The following FOXP1 variants were observed in gnomAD, a reference collection of about 807,000 sequenced individuals.
FOXP1 encodes the protein forkhead box protein P1.
In FOXP1, 15 loss-of-function variants were observed where a neutral mutation model predicts 98.2. That is an observed-to-expected ratio of 0.15 (90% CI 0.10 to 0.24). FOXP1 has a LOEUF of 0.24. Among genes scored for constraint, FOXP1 ranks in the 10% least tolerant of loss-of-function variants. The pLI, the probability that FOXP1 is intolerant of heterozygous loss-of-function variation, is 1.00. For synonymous variants in FOXP1, 371 were observed against 314.5 expected, an observed-to-expected ratio of 1.18 and a Z score of -1.90; for missense variants, 633 against 848.5, an observed-to-expected ratio of 0.75 and a Z score of 3.15.
In FOXP1 at chr3:70,958,963, C is replaced by T. The variant is rs1213374515; in HGVS notation, c.*284G>A. On this transcript the variant is annotated 3_prime_UTR_variant, in exon 21 of 21. Coordinates refer to ENST00000649528, the MANE Select transcript of FOXP1 (RefSeq NM_001349338.3). ...GAATCAGTTTAGCAAATTTACAACA[C>T]TGATGTTGACGGTTAAGAGAGGAAA... 2 of 441,772 alleles carry T rather than the reference C, an allele frequency of 4.5e-6. No individual in the cohort carries two copies. Among genetic ancestry groups the T allele is most frequent in the African/African-American group, 2.0e-5 (1 of 50,902 alleles). 27.4% of individuals were successfully genotyped at this position (441,772 alleles called of 1,614,324 possible).
chr3:71,208,536 T>TTGTGTGTGTGTGTGTGTGTG (rs1553780525), intron 5 of FOXP1, among the ~76,000 whole-genome samples: 6,002 of 149,162 alleles, frequency 0.04, 148 homozygotes, highest in South Asian at 0.1. Context: ...GCATTTAAGT[T>TTGTGTGTGTGTGTGTGTGTG]TGTGTGTGTG....
Position 71,175,337 on chromosome 3 carries a change from C to T in FOXP1, c.180+22865G>A, listed in dbSNP as rs558069651. 3.7e-4 allele frequency among the ~76,000 whole-genome samples: 57 copies of T among 152,320 alleles called. No homozygotes were observed. The South Asian group carries it at 9.9e-3, about 27-fold the overall frequency. Reference sequence around the variant, plus strand: ...TACTTCTTTGGCCCATCAAGTGTGTCTCTTTTTTGCACTGACAACACGTAT... The same window carrying T: ...TACTTCTTTGGCCCATCAAGTGTGTTTCTTTTTTGCACTGACAACACGTAT... On this transcript the variant is annotated intron_variant, in intron 6 of 20. Transcript: ENST00000649528.
chr3:71,465,615 G>A (rs1395952591), intron 3 of FOXP1, among the ~76,000 whole-genome samples: 1 of 152,106 alleles, frequency 6.6e-6, no homozygotes, highest in Non-Finnish European at 1.5e-5. Context: ...GCTCCACAAG[G>A]GCAGGGTCCG....
intron 12 of FOXP1, among the ~76,000 whole-genome samples, chr3:71,010,458 A>T (rs993865245): frequency 1.1e-4 from 17 of 152,302 alleles, no homozygotes; most frequent in East Asian, 3.9e-4. Context: ...TAAATGAGTT[A>T]ATATATGTGA....
intron 4 of FOXP1, among the ~76,000 whole-genome samples, chr3:71,300,210 G>C (rs2073727899): frequency 6.6e-6 from 1 of 152,184 alleles, no homozygotes; most frequent in Non-Finnish European, 1.5e-5. Context: ...TTGGAAACCA[G>C]ACTGCCACTT....
chr3:71,074,865 C>T (rs977554880), intron 7 of FOXP1, among the ~76,000 whole-genome samples: 2 of 152,186 alleles, frequency 1.3e-5, no homozygotes, highest in East Asian at 1.9e-4. Context: ...ACCAGGGGCT[C>T]ATGCATTCTT....
intron 4 of FOXP1, chr3:71,305,910 G>A (rs925490289): frequency 1.0e-4 from 16 of 152,612 alleles, no homozygotes; most frequent in African/African-American, 3.9e-4. Context: ...GCTTTGGGGC[G>A]GGAGAGGCAA....
intron 11 of FOXP1, among the ~76,000 whole-genome samples, chr3:71,025,480 C>T (rs1212806586): frequency 6.6e-6 from 1 of 152,028 alleles, no homozygotes; most frequent in Non-Finnish European, 1.5e-5. Flanking sequence ...CAAGGATGCC[C>T]TCTTTATAAC....
rs2067381456 is a variant in FOXP1 at position 71,242,642 on chromosome 3, G to C, written c.-11-44250C>G. Among the ~76,000 whole-genome samples, 3 of 152,018 alleles carry C rather than the reference G, an allele frequency of 2.0e-5. No homozygotes were observed. In the South Asian group the frequency reaches 6.2e-4, roughly 32 times the overall value. On this transcript the variant is annotated intron_variant, in intron 5 of 20. Coordinates refer to ENST00000649528, the MANE Select transcript of FOXP1 (RefSeq NM_001349338.3). ...AATCTGGAGGCTCACATGTGAAAAAGCTTTCCGCCTAAGATTGTCCCATTT... is the reference window on the plus strand; with the variant it reads ...AATCTGGAGGCTCACATGTGAAAAACCTTTCCGCCTAAGATTGTCCCATTT...
At chr3:70,995,786 T>A (rs532342673) in intron 13 of FOXP1, among the ~76,000 whole-genome samples, 1 of 152,128 alleles carries the variant, frequency 6.6e-6, no homozygotes, top group African/African-American at 2.4e-5. Flanking sequence ...CAGTAGAAGG[T>A]TGCAACAAGA....
chr3:71,268,351 T>C lies in FOXP1; in HGVS notation c.-12+31469A>G, dbSNP rs141765996. Among the ~76,000 whole-genome samples the C allele has an allele frequency of 2.5e-3, 374 of 152,026 alleles. 4 individuals are homozygous for C. Among genetic ancestry groups the C allele is most frequent in the East Asian group, 0.018 (90 of 5,096 alleles). The stretch of plus-strand genomic sequence containing the variant: ...CAGTCACATCACAAGGATAAAGTAT[T>C]CCAAAATGCTTGAGAACTGACAAAT... On this transcript the variant is annotated intron_variant, in intron 5 of 20. Coordinates refer to ENST00000649528, the MANE Select transcript of FOXP1 (RefSeq NM_001349338.3).
intron 4 of FOXP1, among the ~76,000 whole-genome samples, chr3:71,327,755 A>G (rs1052225951): frequency 1.6e-4 from 25 of 152,156 alleles, no homozygotes; most frequent in Admixed American, 3.3e-4. Context: ...ATCACATATA[A>G]GTGTGTATGT....
chr3:71,029,637 C>T (rs542927507), intron 11 of FOXP1, among the ~76,000 whole-genome samples: 11 of 152,260 alleles, frequency 7.2e-5, no homozygotes, highest in South Asian at 2.1e-4. Context: ...GTGATCCACC[C>T]GCCTCGGCCT....
At chr3:71,285,254 G>A (rs1215873335) in intron 5 of FOXP1, among the ~76,000 whole-genome samples, 1 of 152,114 alleles carries the variant, frequency 6.6e-6, no homozygotes, top group Non-Finnish European at 1.5e-5. Flanking sequence ...GGCAAAACAC[G>A]TCACATAGGA....
intron 2 of FOXP1, among the ~76,000 whole-genome samples, chr3:71,555,932 G>A (rs572478826): frequency 2.6e-4 from 40 of 151,944 alleles, no homozygotes; most frequent in African/African-American, 9.4e-4. Context: ...AGAGAAAGAA[G>A]AGGAGGAGGA....
intron 6 of FOXP1, among the ~76,000 whole-genome samples, chr3:71,168,852 T>C (rs898133677): frequency 1.3e-5 from 2 of 152,204 alleles, no homozygotes; most frequent in Non-Finnish European, 2.9e-5. Flanking sequence ...TTTTTCTTTT[T>C]TTAAACAGGG....
chr3:71,562,571 G>A (rs975661014), intron 2 of FOXP1, among the ~76,000 whole-genome samples: 2 of 152,144 alleles, frequency 1.3e-5, no homozygotes, highest in African/African-American at 2.4e-5. Flanking sequence ...TGAGGGCTTA[G>A]GATATGACAG....
At chr3:71,070,660 C>T (rs369390097) in intron 7 of FOXP1, among the ~76,000 whole-genome samples, 1 of 152,184 alleles carries the variant, frequency 6.6e-6, no homozygotes, top group African/African-American at 2.4e-5. Flanking sequence ...ACCCTCCGCG[C>T]ACGTGTGGGC....
At chr3:71,109,575 T>A (rs1457156887) in intron 7 of FOXP1, among the ~76,000 whole-genome samples, 1 of 152,166 alleles carries the variant, frequency 6.6e-6, no homozygotes, top group African/African-American at 2.4e-5. Flanking sequence ...CTGTTAAGAT[T>A]TGCTGTAGGA....
Sources: allele counts gnomAD v4.1 joint callset (sites outside exome capture counted in the v4.1 genomes callset), GRCh38; gene constraint gnomAD v4.1.1; transcripts MANE v1.5; gene names NCBI Gene and HGNC (gene_info 2026-07-23, HGNC 2026-07-21).